The following UPRT variants were observed in gnomAD, a reference collection of about 807,000 sequenced individuals.
The protein encoded by UPRT is uracil phosphoribosyltransferase homolog.
UPRT carries 5 observed loss-of-function variants against 22.6 expected under a neutral mutation model. The observed-to-expected ratio is 0.22, with a 90% CI of 0.12 to 0.47. The LOEUF is 0.47. Ranked by LOEUF, UPRT falls within the 20% of genes least tolerant of loss-of-function variation. The pLI is 0.99. For missense variants in UPRT, 181 were observed against 239.9 expected, an observed-to-expected ratio of 0.75 and a Z score of 1.62; for synonymous variants, 77 against 87.7, an observed-to-expected ratio of 0.88 and a Z score of 0.68.
At chrX:75,238,364 C>T (rs1240676959) in intron 4 of UPRT, among the ~76,000 whole-genome samples, 1 of 111,493 alleles carries the variant, frequency 9.0e-6, no homozygotes, top group African/African-American at 3.3e-5. Flanking sequence ...ATTAAAGCAA[C>T]AACAGTTAAA....
At chrX:75,236,320 C>T (rs1233917158) in intron 4 of UPRT, among the ~76,000 whole-genome samples, 5 of 111,687 alleles carry the variant, frequency 4.5e-5, no homozygotes, top group Non-Finnish European at 9.4e-5. Context: ...AATGGAAGAA[C>T]ATTCCATGCT....
At chrX:75,263,505 A>G (rs192663967) in intron 4 of UPRT, among the ~76,000 whole-genome samples, 38 of 111,860 alleles carry the variant, frequency 3.4e-4, no homozygotes, top group Non-Finnish European at 1.1e-4. Context: ...GTTTATTTGC[A>G]TAGATGTGTT....
chrX:75,291,239 T>C (rs1303512635), intron 1 of UPRT, among the ~76,000 whole-genome samples: 5 of 112,230 alleles, frequency 4.5e-5, no homozygotes, highest in Non-Finnish European at 7.5e-5. Context: ...CTGGATATCA[T>C]TATCTGTTTA....
At chrX:75,177,472 A>G (rs1410680227) in intron 4 of UPRT, among the ~76,000 whole-genome samples, 2 of 110,505 alleles carry the variant, frequency 1.8e-5, no homozygotes, top group African/African-American at 3.3e-5. Flanking sequence ...AGTGGCCCTT[A>G]CCGACGCATT....
intron 1 of UPRT, among the ~76,000 whole-genome samples, chrX:75,293,054 T>C (rs1053850041): frequency 2.7e-5 from 3 of 111,866 alleles, no homozygotes; most frequent in Admixed American, 1.9e-4. Context: ...GGGTTACTTA[T>C]CTTGGTAATA....
At chrX:75,255,567 G>A (rs770598296) in intron 4 of UPRT, among the ~76,000 whole-genome samples, 2 of 111,742 alleles carry the variant, frequency 1.8e-5, no homozygotes, top group Admixed American at 9.5e-5. Context: ...ATACAGAACC[G>A]CAGAATGGAT....
At chrX:75,214,810 G>A (rs2082388219) in intron 4 of UPRT, among the ~76,000 whole-genome samples, 2 of 111,420 alleles carry the variant, frequency 1.8e-5, no homozygotes, top group African/African-American at 6.5e-5. Context: ...CTCCTCAGGA[G>A]ACTGAGATGG....
At chrX:75,162,473 C>T (rs1440280419) in intron 2 of UPRT, among the ~76,000 whole-genome samples, 1 of 111,185 alleles carries the variant, frequency 9.0e-6, no homozygotes, top group Non-Finnish European at 1.9e-5. Flanking sequence ...CTCCAAGTTG[C>T]AGTTTCAAGA....
chrX:75,252,477 C>G (rs143954699), intron 4 of UPRT, among the ~76,000 whole-genome samples: 3,740 of 112,357 alleles, frequency 0.033, 70 homozygotes, highest in Non-Finnish European at 0.052. Flanking sequence ...AAATGCAAAT[C>G]AAAACCACAA....
At chrX:75,291,509 C>T (rs759535189) in intron 1 of UPRT, 29 of 273,306 alleles carry the variant, frequency 1.1e-4, no homozygotes, top group Non-Finnish European at 1.6e-4. Flanking sequence ...TTCAGCCTAG[C>T]GTTGTGTCTA....
chrX:75,226,407 C>G (rs762614787), intron 4 of UPRT, among the ~76,000 whole-genome samples: 2 of 111,708 alleles, frequency 1.8e-5, no homozygotes, highest in Non-Finnish European at 3.8e-5. Flanking sequence ...TCTAATCACA[C>G]GGAAAGTTAT....
At chrX:75,170,277 T>C (rs1403510812) in intron 4 of UPRT, among the ~76,000 whole-genome samples, 1 of 111,549 alleles carries the variant, frequency 9.0e-6, no homozygotes, top group Non-Finnish European at 1.9e-5. Flanking sequence ...CCTCAAGTGA[T>C]CCACCCGCCT....
At chrX:75,228,890 A>G (rs990754539) in intron 4 of UPRT, among the ~76,000 whole-genome samples, 5 of 112,315 alleles carry the variant, frequency 4.5e-5, no homozygotes, top group African/African-American at 1.6e-4. Context: ...ATTATGCTAA[A>G]TGAAATAAGC....
chrX:75,171,460 A>G (rs2082227308), intron 4 of UPRT, among the ~76,000 whole-genome samples: 1 of 110,835 alleles, frequency 9.0e-6, no homozygotes. Context: ...ATTTCACTGA[A>G]TATTTCTCCC....
chrX:75,294,673 A>G, intron 2 of UPRT: 2 of 827,077 alleles, frequency 2.4e-6, no homozygotes, highest in South Asian at 2.5e-5. Context: ...TTGAGTTTTC[A>G]TTGGCAGTAA....
intron 4 of UPRT, among the ~76,000 whole-genome samples, chrX:75,219,054 A>G (rs1239262495): frequency 2.7e-5 from 3 of 112,006 alleles, no homozygotes; most frequent in African/African-American, 9.7e-5. Flanking sequence ...TAAAATTTAA[A>G]AAAAAAGAGT....
intron 4 of UPRT, among the ~76,000 whole-genome samples, chrX:75,227,631 T>G (rs1249668737): frequency 1.8e-5 from 2 of 112,463 alleles, no homozygotes; most frequent in Non-Finnish European, 3.7e-5. Context: ...TGAATTCTTT[T>G]TCATGGGGTA....
At chrX:75,191,862 G>C (rs1218001332) in intron 4 of UPRT, among the ~76,000 whole-genome samples, 1 of 111,706 alleles carries the variant, frequency 9.0e-6, no homozygotes, top group Admixed American at 9.4e-5. Context: ...GTGTGTCACA[G>C]CTTTCCTTGG....
At chrX:75,171,775 C>T (rs1407592558) in intron 4 of UPRT, among the ~76,000 whole-genome samples, 1 of 110,800 alleles carries the variant, frequency 9.0e-6, no homozygotes, top group African/African-American at 3.3e-5. Flanking sequence ...ATGGGGTGTT[C>T]TCTTGAGGTA....
Sources: allele counts gnomAD v4.1 joint callset (sites outside exome capture counted in the v4.1 genomes callset), GRCh38; gene constraint gnomAD v4.1.1; transcripts MANE v1.5; gene names NCBI Gene and HGNC (gene_info 2026-07-23, HGNC 2026-07-21).